PRDM7: variants seen among roughly 807,000 people sequenced by gnomAD.
PRDM7 encodes the protein histone-lysine N-methyltransferase PRDM7.
A neutral mutation model predicts 64.3 loss-of-function variants in PRDM7; 52 were observed. The observed-to-expected ratio is 0.81, with a 90% CI of 0.65 to 1.02. The LOEUF is 1.02. PRDM7 is among the 50% of genes least tolerant of loss of function. The pLI, the probability that PRDM7 is intolerant of heterozygous loss-of-function variation, is 0.00. For synonymous variants in PRDM7, 192 were observed against 210.1 expected (o/e 0.91, Z 0.74); for missense variants, 574 against 597.1 (o/e 0.96, Z 0.40).
Position 90,075,968 on chromosome 16 carries a change from A to G in PRDM7, c.-58T>C, listed in dbSNP as rs1299867594. Reference sequence around the variant, plus strand: ...ATTCTGAGTGTGGGAAGGGCCCCTGAGTCTCCCAGCTCCTAGGCCAAAGGC... The same window carrying G: ...ATTCTGAGTGTGGGAAGGGCCCCTGGGTCTCCCAGCTCCTAGGCCAAAGGC... On this transcript the variant is annotated 5_prime_UTR_variant, in exon 2 of 11. Coordinates refer to ENST00000449207, the MANE Select transcript of PRDM7 (RefSeq NM_001098173.2). The surrounding 1 kb of genome is among the most constrained non-coding windows in gnomAD (Gnocchi z 4.3). 11 of 1,571,024 alleles carry G rather than the reference A, an allele frequency of 7.0e-6. No individual in the cohort carries two copies. The highest frequency in any genetic ancestry group is 4.1e-5 in the African/African-American group (3 of 73,876).
intron 4 of PRDM7, among the ~76,000 whole-genome samples, chr16:90,070,993 A>G (rs1008215861): frequency 1.3e-5 from 2 of 152,266 alleles, no homozygotes; most frequent in African/African-American, 4.8e-5. Flanking sequence ...TTATCCTGTT[A>G]TGATAGCCTC....
chr16:90,071,611 C>A (rs921315655), intron 4 of PRDM7, among the ~76,000 whole-genome samples: 1 of 151,974 alleles, frequency 6.6e-6, no homozygotes, highest in African/African-American at 2.4e-5. Flanking sequence ...TCCTTTTCAT[C>A]GGAACCCACT....
chr16:90,067,918 G>A (rs933154178), intron 4 of PRDM7, among the ~76,000 whole-genome samples: 37 of 151,162 alleles, frequency 2.4e-4, no homozygotes, highest in African/African-American at 8.6e-4. Context: ...CATCATAGTC[G>A]ATGATGAAAA....
intron 5 of PRDM7, among the ~76,000 whole-genome samples, chr16:90,064,282 A>C (rs1267958927): frequency 6.6e-6 from 1 of 152,218 alleles, no homozygotes; most frequent in East Asian, 1.9e-4. Flanking sequence ...CCTGGAAAGA[A>C]TATTTGGCTT....
chr16:90,067,852 A>T (rs7198471), intron 4 of PRDM7, among the ~76,000 whole-genome samples: 2 of 150,462 alleles, frequency 1.3e-5, no homozygotes, highest in African/African-American at 5.0e-5. Flanking sequence ...GGCCTCCCAA[A>T]GTGCTGGGAT....
chr16:90,061,877 G>A lies in PRDM7; in HGVS notation c.882+44C>T, dbSNP rs192996175. The A allele has an allele frequency of 6.4e-5, 103 of 1,612,806 alleles. No individual in the cohort carries two copies. In the African/African-American group the frequency reaches 1.1e-3, roughly 18 times the overall value. On this transcript the variant is annotated intron_variant, in intron 8 of 10. Transcript: ENST00000449207. Reference sequence around the variant, plus strand: ...TGATGTCCCATCAAAGGCACAGAAGGGATGTGGGAAGACAGAACAGGGGAA... The same window carrying A: ...TGATGTCCCATCAAAGGCACAGAAGAGATGTGGGAAGACAGAACAGGGGAA...
chr16:90,063,856 A>G, intron 5 of PRDM7, 88 bp from the exon 6 acceptor site: 2 of 1,492,454 alleles, frequency 1.3e-6, no homozygotes, highest in Non-Finnish European at 1.8e-6. Flanking sequence ...GACTGTAGTT[A>G]ATGTTCAAAC....
At chr16:90,076,656 G>C (rs780794180) in intron 1 of PRDM7, among the ~76,000 whole-genome samples, 1 of 152,084 alleles carries the variant, frequency 6.6e-6, no homozygotes, top group Non-Finnish European at 1.5e-5. Flanking sequence ...GATGAGATTA[G>C]GGGTCTTTTA....
intron 9 of PRDM7, among the ~76,000 whole-genome samples, chr16:90,060,979 G>C (rs1182539646): frequency 1.3e-5 from 2 of 152,150 alleles, no homozygotes; most frequent in Non-Finnish European, 2.9e-5. Flanking sequence ...GACTTCTTCA[G>C]ATTCCTAGAG....
chr16:90,059,061 T>G (rs2037726292), intron 10 of PRDM7, among the ~76,000 whole-genome samples: 1 of 152,158 alleles, frequency 6.6e-6, no homozygotes, highest in African/African-American at 2.4e-5. Context: ...TCCACAAATG[T>G]GGTTAAAGAG....
Position 90,071,035 on chromosome 16 carries a change from G to A in PRDM7, c.301+3881C>T, listed in dbSNP as rs187337476. ...AAAACCAGAAAATAGCAATGTTGGC[G>A]AAGATGTGGAGAAATTAGAACACTT... On this transcript the variant is annotated intron_variant, in intron 4 of 10. Coordinates refer to ENST00000449207, the MANE Select transcript of PRDM7 (RefSeq NM_001098173.2). Among the ~76,000 whole-genome samples, 209 of 152,328 alleles carry A rather than the reference G, an allele frequency of 1.4e-3. 1 individual carries two copies. The highest frequency in any genetic ancestry group is 4.9e-3 in the African/African-American group (204 of 41,578).
intron 5 of PRDM7, among the ~76,000 whole-genome samples, chr16:90,064,347 G>T (rs894063966): frequency 6.6e-6 from 1 of 152,118 alleles, no homozygotes; most frequent in African/African-American, 2.4e-5. Flanking sequence ...TTGAATAAGG[G>T]TGTATTGTTA....
intron 4 of PRDM7, among the ~76,000 whole-genome samples, chr16:90,071,285 C>A (rs1458578035): frequency 6.6e-6 from 1 of 152,120 alleles, no homozygotes; most frequent in Non-Finnish European, 1.5e-5. Context: ...GTGCATGCCA[C>A]CATGCCTGGC....
chr16:90,061,390 G>GGAA, intron 9 of PRDM7, 62 bp downstream of exon 9: 2 of 1,502,530 alleles, frequency 1.3e-6, no homozygotes, highest in Non-Finnish European at 1.8e-6. Flanking sequence ...TGAGAAGGAA[G>GGAA]GAAGTCCGGG....
chr16:90,069,050 G>A (rs956078896), intron 4 of PRDM7, among the ~76,000 whole-genome samples: 12 of 151,212 alleles, frequency 7.9e-5, no homozygotes, highest in Admixed American at 2.6e-4. Context: ...CAGAATAGCC[G>A]AAACAATCTT....
chr16:90,076,296 G>C (rs1206828105), intron 1 of PRDM7, among the ~76,000 whole-genome samples: 1 of 152,176 alleles, frequency 6.6e-6, no homozygotes, highest in African/African-American at 2.4e-5. Flanking sequence ...GGGGAGTCCT[G>C]AGGTGTGAGA....
chr16:90,067,124 C>T (rs1006678914), intron 4 of PRDM7, among the ~76,000 whole-genome samples: 4 of 151,122 alleles, frequency 2.6e-5, no homozygotes, highest in Admixed American at 2.6e-4. Context: ...CACCACCACA[C>T]CCAGCTAATT....
rs1447294310 is a variant in PRDM7, at chr16:90,058,100, C to A, written c.*189G>T. The A allele has an allele frequency of 1.2e-6, 2 of 1,613,994 alleles. No individual in the cohort carries two copies. Among genetic ancestry groups the A allele is most frequent in the African/African-American group, 2.7e-5 (2 of 75,040 alleles). The stretch of plus-strand genomic sequence containing the variant: ...TCACTGAAACCTTGCCCACACTCTC[C>A]ATATTTGACTTTCGCAATTCTTGAG... On this transcript the variant is annotated 3_prime_UTR_variant, in exon 11 of 11. Coordinates refer to ENST00000449207, the MANE Select transcript of PRDM7 (RefSeq NM_001098173.2).
chr16:90,059,660 C>G (rs2037737435), intron 10 of PRDM7, among the ~76,000 whole-genome samples: 1 of 152,260 alleles, frequency 6.6e-6, no homozygotes. Flanking sequence ...TCACCTCACA[C>G]TGACCCCCAG....
Sources: gnomAD v4.1 joint callset for allele counts (sites outside exome capture counted in the v4.1 genomes callset) on GRCh38, gnomAD v4.1.1 for gene constraint, Gnocchi (gnomAD v3.1) non-coding constraint, MANE v1.5 for transcripts, NCBI Gene and HGNC (gene_info 2026-07-23, HGNC 2026-07-21) for gene names.